Variants in MAPK10 observed in about 807,000 individuals in gnomAD.
MAPK10 encodes mitogen-activated protein kinase 10, also known as JNK3 alpha protein kinase.
In MAPK10, 25 loss-of-function variants were observed where a neutral mutation model predicts 59.3. That is an observed-to-expected ratio of 0.42 (90% confidence interval 0.31 to 0.59). The LOEUF is 0.59. Among genes scored for constraint, MAPK10 ranks in the 20% least tolerant of loss-of-function variants. MAPK10 has a pLI of 0.15. For synonymous variants in MAPK10, 190 were observed against 200.5 expected (o/e 0.95, Z 0.44); for missense variants, 351 against 568.9 (o/e 0.62, Z 3.90).
At chr4:86,217,889 A>G (rs1477006755) in intron 2 of MAPK10, among the ~76,000 whole-genome samples, 1 of 152,138 alleles carries the variant, frequency 6.6e-6, no homozygotes, top group African/African-American at 2.4e-5. Flanking sequence ...CAAACCTCAA[A>G]TTAAAAATAG....
intron 4 of MAPK10, among the ~76,000 whole-genome samples, chr4:86,142,476 T>A (rs564087794): frequency 2.6e-5 from 4 of 152,158 alleles, no homozygotes; most frequent in Admixed American, 6.5e-5. Context: ...GTATCTCTTA[T>A]GTTCAAGACA....
intron 4 of MAPK10, among the ~76,000 whole-genome samples, chr4:86,118,874 T>C (rs1207207076): frequency 1.3e-5 from 2 of 152,178 alleles, no homozygotes; most frequent in African/African-American, 4.8e-5. Flanking sequence ...TTAATAAGAA[T>C]CATGTTTTTG....
chr4:86,506,108 G>T (rs796278385), intron 1 of MAPK10, among the ~76,000 whole-genome samples: 28 of 152,238 alleles, frequency 1.8e-4, no homozygotes, highest in Admixed American at 2.6e-4. Flanking sequence ...CACAGAAAAT[G>T]AGATATTCAC....
At chr4:86,346,851 A>T (rs113408904) in intron 2 of MAPK10, among the ~76,000 whole-genome samples, 25 of 151,992 alleles carry the variant, frequency 1.6e-4, no homozygotes, top group Non-Finnish European at 2.8e-4. Flanking sequence ...TATTTTATTC[A>T]ATCTTTTTGG....
intron 4 of MAPK10, among the ~76,000 whole-genome samples, chr4:86,130,905 AT>A (rs1350363743): frequency 6.6e-6 from 1 of 152,186 alleles, no homozygotes; most frequent in Non-Finnish European, 1.5e-5. Context: ...AGACCATACA[AT>A]CTGAATGTTT....
chr4:86,326,679 C>A (rs984882782), intron 2 of MAPK10: 1 of 152,192 alleles, frequency 6.6e-6, no homozygotes, highest in Non-Finnish European at 1.5e-5. Context: ...GTCCATATCT[C>A]TTTTCACTGT....
intron 2 of MAPK10, among the ~76,000 whole-genome samples, chr4:86,256,734 CTTTTTTTT>C (rs767737802): frequency 1.7e-5 from 1 of 59,638 alleles, no homozygotes; most frequent in African/African-American, 1.1e-4. Flanking sequence ...TTCTTTCTTT[CTTTTTTTT>C]TTTTTTTTTT....
At chr4:86,478,693 A>G (rs1167268357) in intron 1 of MAPK10, among the ~76,000 whole-genome samples, 1 of 152,026 alleles carries the variant, frequency 6.6e-6, no homozygotes, top group Non-Finnish European at 1.5e-5. Context: ...CCATGACTAT[A>G]TCTCTCTGAT....
intron 1 of MAPK10, among the ~76,000 whole-genome samples, chr4:86,522,422 G>A (rs1757177195): frequency 6.6e-6 from 1 of 152,196 alleles, no homozygotes; most frequent in Non-Finnish European, 1.5e-5. Context: ...AGAGTTGGTA[G>A]TTTATTTGGC....
At position 86,395,505 on chromosome 4, in the gene MAPK10, T is replaced by C. The variant is rs992088634; in HGVS notation, c.-121-40861A>G. ...GCATGATGTAACTGAATCATTATAATAAAATGGTTCAGCAATCAATCACCA... is the reference window on the plus strand; with the variant it reads ...GCATGATGTAACTGAATCATTATAACAAAATGGTTCAGCAATCAATCACCA... On this transcript the variant is annotated intron_variant, in intron 1 of 13. Transcript: ENST00000361569. Among the ~76,000 whole-genome samples the C allele has an allele frequency of 3.3e-5, 5 of 152,312 alleles. No individual in the cohort carries two copies. In the East Asian group the frequency reaches 9.7e-4, roughly 29 times the overall value.
At chr4:86,324,133 G>A (rs868470232) in intron 2 of MAPK10, among the ~76,000 whole-genome samples, 6 of 152,264 alleles carry the variant, frequency 3.9e-5, no homozygotes, top group South Asian at 2.1e-4. Flanking sequence ...TAGGTCGGGC[G>A]TACTGGCTCA....
chr4:86,301,413 G>GA (rs111965801), intron 2 of MAPK10, among the ~76,000 whole-genome samples: 134 of 144,906 alleles, frequency 9.2e-4, no homozygotes, highest in South Asian at 2.6e-3. Context: ...CCACTAGCTA[G>GA]AAAAAAAAAA....
At chr4:86,275,853 G>T (rs1160253614) in intron 2 of MAPK10, among the ~76,000 whole-genome samples, 8 of 152,002 alleles carry the variant, frequency 5.3e-5, no homozygotes, top group Non-Finnish European at 1.2e-4. Flanking sequence ...AATGTTTCTA[G>T]CACTTTATTT....
At chr4:86,426,608 G>A (rs987457157) in intron 1 of MAPK10, among the ~76,000 whole-genome samples, 35 of 152,218 alleles carry the variant, frequency 2.3e-4, no homozygotes, top group African/African-American at 8.2e-4. Flanking sequence ...ACCCTTTTAG[G>A]GAACTCATAA....
chr4:86,578,065 C>G (rs1233405218), intron 1 of MAPK10, among the ~76,000 whole-genome samples: 1 of 151,972 alleles, frequency 6.6e-6, no homozygotes, highest in Non-Finnish European at 1.5e-5. Context: ...TGCTGATGAG[C>G]GAGCAAAAAC....
At chr4:86,319,909 T>C (rs1167773212) in intron 2 of MAPK10, among the ~76,000 whole-genome samples, 2 of 152,228 alleles carry the variant, frequency 1.3e-5, no homozygotes, top group Non-Finnish European at 2.9e-5. Flanking sequence ...TCTCTCTTTC[T>C]ACTCTCTCCC....
At chr4:86,192,503 C>A (rs2080177738) in intron 3 of MAPK10, 1 of 151,920 alleles carries the variant, frequency 6.6e-6, no homozygotes, top group Admixed American at 6.6e-5. Flanking sequence ...CTTGTCTTCA[C>A]ACTTTATTTC....
intron 4 of MAPK10, among the ~76,000 whole-genome samples, chr4:86,123,309 T>G (rs2149119721): frequency 6.6e-6 from 1 of 152,196 alleles, no homozygotes; most frequent in East Asian, 1.9e-4. Flanking sequence ...TGATGAACAC[T>G]TAGATTGATT....
intron 4 of MAPK10, among the ~76,000 whole-genome samples, chr4:86,156,547 A>T (rs570843462): frequency 2.8e-4 from 43 of 152,118 alleles, no homozygotes; most frequent in African/African-American, 9.6e-4. Context: ...GTTAAAGAGC[A>T]GACCAGCCCT....
Sources: allele counts gnomAD v4.1 joint callset (sites outside exome capture counted in the v4.1 genomes callset), GRCh38; gene constraint gnomAD v4.1.1; transcripts MANE v1.5; gene names NCBI Gene and HGNC (gene_info 2026-07-23, HGNC 2026-07-21).